DLGAP3: variants seen among roughly 807,000 people sequenced by gnomAD.
DLGAP3 encodes the protein DLG associated protein 3.
A neutral mutation model predicts 81.2 loss-of-function variants in DLGAP3; 17 were observed. The ratio of observed to expected loss-of-function variants is 0.21; its 90% CI spans 0.14 to 0.31. The LOEUF is 0.31. Ranked by LOEUF, DLGAP3 falls within the 10% of genes least tolerant of loss-of-function variation. The pLI, the probability that DLGAP3 is intolerant of heterozygous loss-of-function variation, is 1.00. For synonymous variants in DLGAP3, 577 were observed against 587.4 expected (o/e 0.98, Z 0.26); for missense variants, 1,124 against 1,388.0 (o/e 0.81, Z 3.02).
At chr1:34,887,416 A>G (rs1160410157) in intron 5 of DLGAP3, among the ~76,000 whole-genome samples, 4 of 152,150 alleles carry the variant, frequency 2.6e-5, no homozygotes, top group Non-Finnish European at 5.9e-5. Flanking sequence ...TTAAAAAAAA[A>G]AAAAGTTAAA....
intron 5 of DLGAP3, among the ~76,000 whole-genome samples, chr1:34,898,577 T>C (rs1474866517): frequency 6.6e-6 from 1 of 152,214 alleles, no homozygotes; most frequent in Non-Finnish European, 1.5e-5. Flanking sequence ...TGGACAGTCT[T>C]TTGCATTGCA....
chr1:34,878,988 C>A (rs1385608496), intron 8 of DLGAP3, among the ~76,000 whole-genome samples: 1 of 150,844 alleles, frequency 6.6e-6, no homozygotes, highest in African/African-American at 2.4e-5. Flanking sequence ...AGGAGAATGG[C>A]GTGAACCTAG....
rs528838610 is a variant in DLGAP3 at position 34,904,607 on chromosome 1, G to C, written c.777C>G (p.Gly259=). ...CCAAGTTGTCATCGGAACTCCACCA[G>C]CCTGTGGACTTGGCCTGGTGCCGCC... ...GDGRHQAKST[G]WWSSDDNLDS... is the part of the protein sequence containing the mutation. The change falls in exon 3 of 12, where the codon GGC becomes GGG. Residue 259 remains glycine (G), a synonymous_variant. Coordinates refer to ENST00000373347, the MANE Select transcript of DLGAP3 (RefSeq NM_001080418.3). This position sits in a 1 kb window ranked among gnomAD's most constrained non-coding sequence, Gnocchi z 8.1. 6.2e-7 allele frequency: 1 copy of C among 1,614,240 alleles called. No individual in the cohort carries two copies. The highest frequency in any genetic ancestry group is 2.2e-5 in the East Asian group (1 of 44,878).
At chr1:34,926,234 C>G (rs1402422981) in intron 1 of DLGAP3, among the ~76,000 whole-genome samples, 1 of 152,200 alleles carries the variant, frequency 6.6e-6, no homozygotes. Context: ...TATTCCCAGA[C>G]CCCTCCATCA....
At chr1:34,925,701 GA>G in intron 1 of DLGAP3, among the ~76,000 whole-genome samples, 1 of 152,270 alleles carries the variant, frequency 6.6e-6, no homozygotes, top group Non-Finnish European at 1.5e-5. Flanking sequence ...AACAGACAGT[GA>G]GGGGGGCAGG....
At chr1:34,877,911 G>C (rs952641578) in intron 8 of DLGAP3, among the ~76,000 whole-genome samples, 1 of 152,170 alleles carries the variant, frequency 6.6e-6, no homozygotes, top group African/African-American at 2.4e-5. Context: ...ATGTCAACTA[G>C]AAAATTTTTA....
At chr1:34,888,857 C>A (rs1192849123) in intron 5 of DLGAP3, among the ~76,000 whole-genome samples, 1 of 152,146 alleles carries the variant, frequency 6.6e-6, no homozygotes, top group Non-Finnish European at 1.5e-5. Flanking sequence ...TGAACTAACT[C>A]CTGCTATTTC....
intron 1 of DLGAP3, among the ~76,000 whole-genome samples, chr1:34,914,179 G>A (rs145259982): frequency 2.0e-3 from 311 of 152,258 alleles, no homozygotes; most frequent in African/African-American, 7.1e-3. Flanking sequence ...ACAGGCATTG[G>A]AGGAGGTTCC....
At position 34,900,591 on chromosome 1, in the gene DLGAP3, T is replaced by C. The variant is rs574860708; in HGVS notation, c.1108-318A>G. Among the ~76,000 whole-genome samples, 1 of 152,210 alleles carries C rather than the reference T, an allele frequency of 6.6e-6. No individual in the cohort carries two copies. The highest frequency in any genetic ancestry group is 2.4e-5 in the African/African-American group (1 of 41,456). The stretch of plus-strand genomic sequence containing the variant: ...CAATCCCATGCCCAGCAGTCAGGCA[T>C]CACCTGACCTCAGTCAACCTTCTAC... On this transcript the variant is annotated intron_variant, in intron 3 of 11. Coordinates refer to ENST00000373347, the MANE Select transcript of DLGAP3 (RefSeq NM_001080418.3). The surrounding 1 kb of genome is among the most constrained non-coding windows in gnomAD (Gnocchi z 5.6).
At position 34,904,916 on chromosome 1, in the gene DLGAP3, C is replaced by A. The variant is rs747836592; in HGVS notation, c.468G>T (p.Thr156=). The A allele has an allele frequency of 6.2e-7, 1 of 1,611,880 alleles. No individual in the cohort carries two copies. Among genetic ancestry groups the A allele is most frequent in the Non-Finnish European group, 8.5e-7 (1 of 1,179,918 alleles). ...AGAGPGPAPG[T]GTAPEPRSES... is the part of the protein sequence containing the mutation. ...CACTGCGGGGCTCTGGGGCAGTGCC[C>A]GTCCCTGGCGCTGGCCCGGGCCCTG... Residue 156 remains threonine, a synonymous_variant, in exon 3 of 12, where the codon ACG becomes ACT. Transcript: ENST00000373347. This position sits in a 1 kb window ranked among gnomAD's most constrained non-coding sequence, Gnocchi z 8.1.
chr1:34,921,009 C>T (rs1465658675), intron 1 of DLGAP3, among the ~76,000 whole-genome samples: 1 of 152,232 alleles, frequency 6.6e-6, no homozygotes, highest in East Asian at 1.9e-4. Flanking sequence ...AGCAAAGACT[C>T]GGATACAGTG....
chr1:34,866,363 C>A, intron 11 of DLGAP3, 62 bp from the exon 12 acceptor site: 1 of 1,315,030 alleles, frequency 7.6e-7, no homozygotes. Flanking sequence ...CAGGTGTCCG[C>A]CCCCGCACCC....
At chr1:34,916,733 G>A (rs1639723680) in intron 1 of DLGAP3, among the ~76,000 whole-genome samples, 2 of 151,282 alleles carry the variant, frequency 1.3e-5, no homozygotes, top group Admixed American at 6.6e-5. Flanking sequence ...GACTCGCTCT[G>A]TCGCCAGGCT....
At chr1:34,918,866 G>T (rs1639759151) in intron 1 of DLGAP3, among the ~76,000 whole-genome samples, 1 of 152,196 alleles carries the variant, frequency 6.6e-6, no homozygotes, top group African/African-American at 2.4e-5. Flanking sequence ...CTGCCCCAGG[G>T]GATCTGGGGT....
In DLGAP3 at chr1:34,885,550, C is replaced by T; in HGVS notation, c.1842G>A (p.Lys614=). 6.2e-7 allele frequency: 1 copy of T among 1,608,620 alleles called. No individual in the cohort carries two copies. Residue 614 remains lysine, a synonymous_variant, in exon 7 of 12, where the codon AAG becomes AAA. Transcript: ENST00000373347. ...GCAGCTCCTCCCTGCCAGGGATGGT[C>T]TTGATGATGAGTGTGGGGGGCTTGG... ...ASPKPPTLII[K]TIPGREELRS...
chr1:34,877,811 C>G (rs1639080931), intron 8 of DLGAP3, among the ~76,000 whole-genome samples: 1 of 152,076 alleles, frequency 6.6e-6, no homozygotes, highest in African/African-American at 2.4e-5. Context: ...AACTTCCAAA[C>G]CAGTGGAGTG....
At chr1:34,880,498 A>G (rs1383537024) in intron 8 of DLGAP3, among the ~76,000 whole-genome samples, 1 of 152,222 alleles carries the variant, frequency 6.6e-6, no homozygotes. Flanking sequence ...TGGGAGGCTG[A>G]GGCGGGCGGA....
intron 1 of DLGAP3, among the ~76,000 whole-genome samples, chr1:34,918,991 TC>T (rs1215314337): frequency 2.0e-5 from 3 of 152,044 alleles, no homozygotes; most frequent in Non-Finnish European, 4.4e-5. Flanking sequence ...TCTCTTCTCC[TC>T]CCTTTCCTCA....
intron 8 of DLGAP3, among the ~76,000 whole-genome samples, chr1:34,880,688 A>AC (rs2148398990): frequency 6.7e-6 from 1 of 150,340 alleles, no homozygotes; most frequent in African/African-American, 2.4e-5. Context: ...CTCTGTCTCA[A>AC]AAAAAAAAAG....
Sources: allele counts gnomAD v4.1 joint callset (sites outside exome capture counted in the v4.1 genomes callset), GRCh38; gene constraint gnomAD v4.1.1; non-coding constraint Gnocchi (gnomAD v3.1); transcripts MANE v1.5; gene names NCBI Gene and HGNC (gene_info 2026-07-23, HGNC 2026-07-21).